UBTD1: variants seen among roughly 807,000 people sequenced by gnomAD.
The protein encoded by UBTD1 is ubiquitin domain containing 1, also known as ubiquitin domain-containing protein 1.
UBTD1 carries 19 observed loss-of-function variants against 21.7 expected under a neutral mutation model. The ratio of observed to expected loss-of-function variants is 0.87; its 90% CI spans 0.61 to 1.28. The LOEUF is 1.28. Ranked by LOEUF, UBTD1 falls within the 50% of genes most tolerant of loss-of-function variation. The probability of loss-of-function intolerance (pLI) is 0.00; values close to 1 mark genes in which losing one functional copy is unlikely to be tolerated. For synonymous variants in UBTD1, 116 were observed against 135.1 expected, an observed-to-expected ratio of 0.86 and a Z score of 0.98; for missense variants, 282 against 315.1, an observed-to-expected ratio of 0.89 and a Z score of 0.80.
chr10:97,528,859 C>A (rs1234651020), intron 1 of UBTD1, among the ~76,000 whole-genome samples: 3 of 143,952 alleles, frequency 2.1e-5, no homozygotes, highest in Non-Finnish European at 3.1e-5. Context: ...GCAGAGGCGC[C>A]CCTCACCTCC....
chr10:97,547,955 G>A (rs1007306715), intron 1 of UBTD1, among the ~76,000 whole-genome samples: 5 of 151,740 alleles, frequency 3.3e-5, no homozygotes, highest in African/African-American at 7.3e-5. Flanking sequence ...TTACTGACTC[G>A]GCTTGGTTAC....
chr10:97,543,388 T>G (rs2040595210), intron 1 of UBTD1, among the ~76,000 whole-genome samples: 2 of 152,232 alleles, frequency 1.3e-5, no homozygotes, highest in South Asian at 4.1e-4. Context: ...AATGTGCTTC[T>G]CTGTTGTTCC....
intron 1 of UBTD1, among the ~76,000 whole-genome samples, chr10:97,515,083 T>G (rs997492316): frequency 6.6e-6 from 1 of 151,902 alleles, no homozygotes; most frequent in Admixed American, 6.6e-5. Flanking sequence ...CAGGGCAGAG[T>G]CTTTTGGAGT....
intron 1 of UBTD1, 70 bp from the exon 2 acceptor site, chr10:97,567,844 G>T (rs2040725216): frequency 2.7e-6 from 4 of 1,477,186 alleles, no homozygotes; most frequent in Non-Finnish European, 2.8e-6. Flanking sequence ...GGGAGGGGAG[G>T]GGAGGGGGAG....
intron 1 of UBTD1, among the ~76,000 whole-genome samples, chr10:97,556,283 T>C (rs1408180868): frequency 1.3e-5 from 2 of 152,024 alleles, no homozygotes; most frequent in African/African-American, 4.8e-5. Context: ...TCTTTAACTA[T>C]ATCCTCAACT....
At chr10:97,563,797 G>T (rs2040704740) in intron 1 of UBTD1, among the ~76,000 whole-genome samples, 1 of 152,144 alleles carries the variant, frequency 6.6e-6, no homozygotes, top group African/African-American at 2.4e-5. Flanking sequence ...AGTCCGAGTG[G>T]GTGGGGGGTG....
At chr10:97,567,399 G>A (rs1485927286) in intron 1 of UBTD1, among the ~76,000 whole-genome samples, 4 of 143,436 alleles carry the variant, frequency 2.8e-5, no homozygotes, top group Non-Finnish European at 6.1e-5. Flanking sequence ...GGTGGCTCAC[G>A]CCTGTAATCC....
At chr10:97,538,338 A>T (rs925090247) in intron 1 of UBTD1, among the ~76,000 whole-genome samples, 3 of 152,118 alleles carry the variant, frequency 2.0e-5, no homozygotes, top group Non-Finnish European at 2.9e-5. Flanking sequence ...TTTTATTTTT[A>T]AAAAAGTAAA....
At chr10:97,527,224 G>A (rs2040493606) in intron 1 of UBTD1, among the ~76,000 whole-genome samples, 1 of 142,624 alleles carries the variant, frequency 7.0e-6, no homozygotes, top group Non-Finnish European at 1.5e-5. Context: ...GGTGGCTTAT[G>A]CCTATAATCC....
At chr10:97,514,441 TG>T (rs1220770153) in intron 1 of UBTD1, among the ~76,000 whole-genome samples, 6 of 152,202 alleles carry the variant, frequency 3.9e-5, no homozygotes, top group African/African-American at 1.4e-4. Flanking sequence ...CTAGAGTTGT[TG>T]GGGACACAGC....
chr10:97,522,824 G>C (rs1308735488), intron 1 of UBTD1, among the ~76,000 whole-genome samples: 1 of 152,224 alleles, frequency 6.6e-6, no homozygotes, highest in Non-Finnish European at 1.5e-5. Flanking sequence ...AGAGGGGTCT[G>C]GAGGGAGCCA....
intron 1 of UBTD1, among the ~76,000 whole-genome samples, chr10:97,517,477 C>T (rs569579650): frequency 2.3e-4 from 35 of 152,272 alleles, no homozygotes; most frequent in African/African-American, 7.9e-4. Flanking sequence ...TCATCTTCAA[C>T]GTGGGGACAG....
rs192366612 is a variant in UBTD1, at chr10:97,505,310, C to T, written c.70+6037C>T. The stretch of plus-strand genomic sequence containing the variant: ...CTAGTTCACAGAAACATGGTGCAAC[C>T]TACATAAAAACTGCATGTGCTCCTT... On this transcript the variant is annotated intron_variant, in intron 1 of 2. Transcript: ENST00000370664. Among the ~76,000 whole-genome samples, 74 of 152,258 alleles carry T rather than the reference C, an allele frequency of 4.9e-4. 1 individual carries two copies. The East Asian group carries it at 0.013, about 26-fold the overall frequency.
chr10:97,545,785 G>A (rs2040608086), intron 1 of UBTD1, among the ~76,000 whole-genome samples: 1 of 152,232 alleles, frequency 6.6e-6, no homozygotes, highest in Admixed American at 6.5e-5. Flanking sequence ...GGCCTGCCAG[G>A]TAGCTCAGTA....
Position 97,554,093 on chromosome 10 carries a change from G to T in UBTD1, c.71-13821G>T, listed in dbSNP as rs191742900. Among the ~76,000 whole-genome samples, 361 of 152,262 alleles carry T rather than the reference G, an allele frequency of 2.4e-3. No individual in the cohort carries two copies. In the Middle Eastern group the frequency reaches 0.024, roughly 10 times the overall value. Reference sequence around the variant, plus strand: ...TTGAAAGGGGCCACCATGGAGCTGTGTTTATTTTAAAGGTCAGTTCTTTAG... The same window carrying T: ...TTGAAAGGGGCCACCATGGAGCTGTTTTTATTTTAAAGGTCAGTTCTTTAG... On this transcript the variant is annotated intron_variant, in intron 1 of 2. Coordinates refer to ENST00000370664, the MANE Select transcript of UBTD1 (RefSeq NM_024954.5).
intron 1 of UBTD1, among the ~76,000 whole-genome samples, chr10:97,515,178 G>C (rs2040439060): frequency 6.6e-6 from 1 of 152,208 alleles, no homozygotes; most frequent in Admixed American, 6.5e-5. Context: ...TTTTCTGCCT[G>C]CTCCTGCCTG....
At chr10:97,567,296 C>G (rs933468464) in intron 1 of UBTD1, among the ~76,000 whole-genome samples, 10 of 150,880 alleles carry the variant, frequency 6.6e-5, no homozygotes, top group African/African-American at 2.2e-4. Flanking sequence ...TGGTCTAGAA[C>G]TGCCGGGCTC....
In UBTD1 at chr10:97,570,740, G is replaced by C; in HGVS notation, c.*217G>C. Reference sequence around the variant, plus strand: ...ACACGGGCCTTGCAACCTTGTCAGAGAAAAGGCGAACAGGGCCCTCACCCT... The same window carrying C: ...ACACGGGCCTTGCAACCTTGTCAGACAAAAGGCGAACAGGGCCCTCACCCT... On this transcript the variant is annotated 3_prime_UTR_variant, in exon 3 of 3. Transcript: ENST00000370664. This position sits in a 1 kb window ranked among gnomAD's most constrained non-coding sequence, Gnocchi z 6.6. The C allele has an allele frequency of 1.7e-6, 1 of 580,568 alleles. No homozygotes were observed. The highest frequency in any genetic ancestry group is 2.9e-6 in the Non-Finnish European group (1 of 339,484). 36.0% of individuals were successfully genotyped at this position (580,568 alleles called of 1,614,324 possible). A position where few individuals can be genotyped will look rare whatever the true frequency, so the allele number is the denominator to read the frequency against.
intron 1 of UBTD1, among the ~76,000 whole-genome samples, chr10:97,540,948 G>A (rs2040584374): frequency 6.6e-6 from 1 of 152,186 alleles, no homozygotes; most frequent in Non-Finnish European, 1.5e-5. Context: ...CTGGGCTGGA[G>A]GCAGCGCTGC....
Sources: allele counts gnomAD v4.1 joint callset (sites outside exome capture counted in the v4.1 genomes callset), GRCh38; gene constraint gnomAD v4.1.1; non-coding constraint Gnocchi (gnomAD v3.1); transcripts MANE v1.5; gene names NCBI Gene and HGNC (gene_info 2026-07-23, HGNC 2026-07-21).